The following WWOX variants were observed in gnomAD, a reference collection of about 807,000 sequenced individuals.
The protein encoded by WWOX is WW domain-containing oxidoreductase.
In WWOX, 69 loss-of-function variants were observed where a neutral mutation model predicts 46.2. That is an observed-to-expected ratio of 1.49 (90% CI 1.23 to 1.82). WWOX has a LOEUF of 1.82. Among genes scored for constraint, WWOX ranks in the 40% most tolerant of loss-of-function variants. WWOX has a pLI of 0.00. For missense variants in WWOX, 919 were observed against 542.6 expected (o/e 1.69, Z -6.89); for synonymous variants, 359 against 202.6 (o/e 1.77, Z -6.56).
chr16:78,545,337 C>T lies in WWOX; in HGVS notation c.1056+112585C>T, dbSNP rs138404873. ...CCTGCAGGGCGATTGTGGCCTGCTC[C>T]TCGTGGGATATATTGAGATGGTTCC... On this transcript the variant is annotated intron_variant, in intron 8 of 8. Coordinates refer to ENST00000566780, the MANE Select transcript of WWOX (RefSeq NM_016373.4). Among the ~76,000 whole-genome samples, 277 of 152,182 alleles carry T rather than the reference C, an allele frequency of 1.8e-3. 1 individual carries two copies. Among genetic ancestry groups the T allele is most frequent in the African/African-American group, 6.5e-3 (269 of 41,524 alleles).
chr16:78,538,873 C>G (rs1009364145), intron 8 of WWOX, among the ~76,000 whole-genome samples: 1 of 152,196 alleles, frequency 6.6e-6, no homozygotes, highest in Non-Finnish European at 1.5e-5. Flanking sequence ...TGAATAGTAC[C>G]TATGAGATGC....
chr16:78,813,600 C>T (rs992748761), intron 8 of WWOX, among the ~76,000 whole-genome samples: 1 of 151,972 alleles, frequency 6.6e-6, no homozygotes, highest in African/African-American at 2.4e-5. Context: ...CATGTGTGAG[C>T]TCCTGTGTGT....
chr16:78,386,735 C>T, intron 5 of WWOX, 125 bp from the exon 6 acceptor site: 4 of 741,784 alleles, frequency 5.4e-6, no homozygotes, highest in Non-Finnish European at 8.9e-6. Context: ...GATTTATATT[C>T]TCTCTGGGCG....
At chr16:78,272,074 C>T (rs955866703) in intron 5 of WWOX, among the ~76,000 whole-genome samples, 2 of 152,242 alleles carry the variant, frequency 1.3e-5, no homozygotes, top group African/African-American at 4.8e-5. Context: ...TATGTATAGC[C>T]GCATAATACA....
chr16:78,362,097 C>G (rs2081421810), intron 5 of WWOX, among the ~76,000 whole-genome samples: 1 of 151,056 alleles, frequency 6.6e-6, no homozygotes, highest in Non-Finnish European at 1.5e-5. Context: ...TCACTACATT[C>G]TTCCTCACTC....
chr16:79,041,325 C>T (rs2047966773), intron 8 of WWOX, among the ~76,000 whole-genome samples: 1 of 152,172 alleles, frequency 6.6e-6, no homozygotes, highest in Non-Finnish European at 1.5e-5. Context: ...TGTGTGTCAC[C>T]TTCTCTCTGA....
chr16:78,141,120 A>C (rs2033970740), intron 4 of WWOX, among the ~76,000 whole-genome samples: 1 of 152,226 alleles, frequency 6.6e-6, no homozygotes, highest in Admixed American at 6.5e-5. Context: ...TTTGGATCAC[A>C]GAGCAAGCTG....
At chr16:78,639,489 C>T (rs951140048) in intron 8 of WWOX, among the ~76,000 whole-genome samples, 6 of 151,990 alleles carry the variant, frequency 3.9e-5, no homozygotes, top group Non-Finnish European at 7.4e-5. Flanking sequence ...AGAATAAACC[C>T]GGAGTTGCCT....
chr16:79,031,020 G>C (rs886608424), intron 8 of WWOX, among the ~76,000 whole-genome samples: 4 of 150,902 alleles, frequency 2.7e-5, no homozygotes, highest in Non-Finnish European at 4.4e-5. Flanking sequence ...CGAGGCTGGG[G>C]AGGTTGAGGC....
At chr16:78,772,321 C>T (rs1020326173) in intron 8 of WWOX, among the ~76,000 whole-genome samples, 1 of 152,186 alleles carries the variant, frequency 6.6e-6, no homozygotes, top group Admixed American at 6.5e-5. Context: ...CATTAGTTTG[C>T]TGAGGATAAT....
At chr16:79,042,603 T>C (rs183241721) in intron 8 of WWOX, among the ~76,000 whole-genome samples, 1 of 152,180 alleles carries the variant, frequency 6.6e-6, no homozygotes. Flanking sequence ...TTGGAGCAAA[T>C]TAACTATACA....
At chr16:78,869,315 T>G (rs2044075458) in intron 8 of WWOX, among the ~76,000 whole-genome samples, 1 of 152,142 alleles carries the variant, frequency 6.6e-6, no homozygotes, top group South Asian at 2.1e-4. Context: ...GAGTTGGTTG[T>G]GATTATCTTC....
chr16:78,845,738 T>C (rs748688203), intron 8 of WWOX, among the ~76,000 whole-genome samples: 2 of 152,112 alleles, frequency 1.3e-5, no homozygotes, highest in Non-Finnish European at 1.5e-5. Context: ...GACAAAATGG[T>C]TGAAGGTTGA....
intron 8 of WWOX, among the ~76,000 whole-genome samples, chr16:78,443,582 G>A (rs569522600): frequency 8.5e-5 from 13 of 152,204 alleles, no homozygotes; most frequent in South Asian, 2.1e-4. Context: ...TTTTAAATCC[G>A]CCTCGGCCTT....
intron 8 of WWOX, among the ~76,000 whole-genome samples, chr16:79,068,897 C>T (rs1177520308): frequency 6.6e-6 from 1 of 151,170 alleles, no homozygotes; most frequent in African/African-American, 2.4e-5. Flanking sequence ...GAATGAATGC[C>T]GAAAGTGGTT....
intron 8 of WWOX, chr16:78,691,194 G>A (rs1255591548): frequency 1.4e-6 from 1 of 701,602 alleles, no homozygotes; most frequent in Non-Finnish European, 2.6e-6. Flanking sequence ...ATAGATGTAG[G>A]TCCAGCGCCT....
At chr16:78,616,482 C>T (rs1227410591) in intron 8 of WWOX, among the ~76,000 whole-genome samples, 1 of 150,438 alleles carries the variant, frequency 6.6e-6, no homozygotes, top group Non-Finnish European at 1.5e-5. Context: ...GCACTAATGG[C>T]CAGGAGTGGT....
chr16:78,429,278 C>A (rs1015566288), intron 7 of WWOX, among the ~76,000 whole-genome samples: 4 of 152,142 alleles, frequency 2.6e-5, no homozygotes, highest in African/African-American at 9.7e-5. Context: ...TCTTGGAAGG[C>A]CAGTAATGTC....
At chr16:78,419,625 CAAAAAAAAA>C (rs60762734) in intron 6 of WWOX, among the ~76,000 whole-genome samples, 1,490 of 44,804 alleles carry the variant, frequency 0.033, 41 homozygotes, top group South Asian at 0.17. Context: ...CAAAAAATAG[CAAAAAAAAA>C]AAAAAAAAAA....
Sources: gnomAD v4.1 joint callset for allele counts (sites outside exome capture counted in the v4.1 genomes callset) on GRCh38, gnomAD v4.1.1 for gene constraint, MANE v1.5 for transcripts, NCBI Gene and HGNC (gene_info 2026-07-23, HGNC 2026-07-21) for gene names.